ADM: variants seen among roughly 807,000 people sequenced by gnomAD.
ADM encodes the protein pro-adrenomedullin.
A neutral mutation model predicts 9.0 loss-of-function variants in ADM; 4 were observed. The observed-to-expected ratio is 0.44, with a 90% CI of 0.22 to 1.02. The LOEUF is 1.02. Among genes scored for constraint, ADM ranks in the 50% least tolerant of loss-of-function variants. ADM has a pLI of 0.24. For missense variants in ADM, 253 were observed against 254.1 expected (o/e 1.00, Z 0.03); for synonymous variants, 107 against 107.2 (o/e 1.00, Z 0.01).
rs778109412 is a variant in ADM at position 10,306,611 on chromosome 11, C to A, written c.528C>A (p.Pro176=). ...CACAAGCACACGGGGCTCCAGCCCC[C>A]CCGAGTGGAAGTGCTCCCCACTTTC... is the stretch of plus-strand genomic sequence containing the variant. ...SKPQAHGAPA[P]PSGSAPHFL Residue 176 remains proline (P), a synonymous_variant, in exon 4 of 4, where the codon CCC becomes CCA. Transcript: ENST00000278175. 6 of 1,563,666 alleles carry A rather than the reference C, an allele frequency of 3.8e-6. No homozygotes were observed. The highest frequency in any genetic ancestry group is 1.2e-5 in the South Asian group (1 of 84,980).
Sources: gnomAD v4.1 joint callset for allele counts on GRCh38, gnomAD v4.1.1 for gene constraint, MANE v1.5 for transcripts, NCBI Gene and HGNC (gene_info 2026-07-23, HGNC 2026-07-21) for gene names.